Variants in APOL2 observed in about 807,000 individuals in gnomAD.
APOL2 encodes the protein apolipoprotein L2, also known as apolipoprotein L, 2.
A neutral mutation model predicts 7.1 loss-of-function variants in APOL2; 8 were observed. That is an observed-to-expected ratio of 1.12 (90% confidence interval 0.66 to 2.03). APOL2 has a LOEUF of 2.03. Among genes scored for constraint, APOL2 ranks in the 30% most tolerant of loss-of-function variants. The pLI, the probability that APOL2 is intolerant of heterozygous loss-of-function variation, is 0.00. For missense variants in APOL2, 471 were observed against 415.1 expected, an observed-to-expected ratio of 1.13 and a Z score of -1.17; for synonymous variants, 177 against 159.9, an observed-to-expected ratio of 1.11 and a Z score of -0.81.
At position 36,234,469 on chromosome 22, in the gene APOL2, A is replaced by C. The variant is rs144601097; in HGVS notation, c.-133-1014T>G. Reference sequence around the variant, plus strand: ...CCTGCCCTCTAAAGTGCTGGATTACAAACATGAGCCACGACACCCGGCCTG... The same window carrying C: ...CCTGCCCTCTAAAGTGCTGGATTACCAACATGAGCCACGACACCCGGCCTG... On this transcript the variant is annotated intron_variant, in intron 1 of 4. Transcript: ENST00000358502. 15 of 152,274 alleles carry C rather than the reference A, an allele frequency of 9.9e-5. 1 individual carries two copies. Among genetic ancestry groups the C allele is most frequent in the Admixed American group, 3.9e-4 (6 of 15,288 alleles). 9.4% of individuals were successfully genotyped at this position (152,274 alleles called of 1,614,324 possible). A position where few individuals can be genotyped will look rare whatever the true frequency, so the allele number is the denominator to read the frequency against.
At chr22:36,234,320 C>A (rs549782345) in intron 1 of APOL2, 1 of 152,210 alleles carries the variant, frequency 6.6e-6, no homozygotes, top group Non-Finnish European at 1.5e-5. Context: ...GTCTTACTGG[C>A]TCTCAGTAGT....
At position 36,228,002 on chromosome 22, in the gene APOL2, G is replaced by A; in HGVS notation, c.416C>T (p.Pro139Leu). The change falls in exon 5 of 5, where the codon CCC (proline) becomes CTC (leucine). Residue 139 changes from proline to leucine, a missense_variant. By Grantham distance (98) the Pro-to-Leu change is moderately conservative. Coordinates refer to ENST00000358502, the MANE Select transcript of APOL2 (RefSeq NM_030882.4). The part of the protein sequence containing the change: ...ILTLLGLGLA[P>L]FTEGISFVLL... ...CACAAAACTGATTCCTTCTGTGAAG[G>A]GTGCCAGACCCAGGCCGAGGAGGGT... 1.2e-6 allele frequency: 2 copies of A among 1,614,172 alleles called. No homozygotes were observed. The highest frequency in any genetic ancestry group is 1.7e-6 in the Non-Finnish European group (2 of 1,180,036).
intron 4 of APOL2, 60 bp from the exon 5 acceptor site, chr22:36,228,340 C>T (rs2015097774): frequency 6.5e-7 from 1 of 1,544,344 alleles, no homozygotes; most frequent in Non-Finnish European, 8.7e-7. Context: ...GAAATGAGCT[C>T]CATGCGATCT....
chr22:36,230,863 T>C (rs563296968), intron 4 of APOL2, among the ~76,000 whole-genome samples: 1 of 152,234 alleles, frequency 6.6e-6, no homozygotes, highest in South Asian at 2.1e-4. Context: ...ATTGTTTAGG[T>C]TAGGATTTTT....
chr22:36,234,994 G>A (rs1339027958), intron 1 of APOL2, among the ~76,000 whole-genome samples: 2 of 152,194 alleles, frequency 1.3e-5, no homozygotes, highest in Non-Finnish European at 2.9e-5. Flanking sequence ...GATCAGAGAT[G>A]CCAAGAGATG....
chr22:36,238,128 G>T (rs1204168191), intron 1 of APOL2, among the ~76,000 whole-genome samples: 1 of 152,086 alleles, frequency 6.6e-6, no homozygotes, highest in Non-Finnish European at 1.5e-5. Context: ...AACATTCAAT[G>T]GGGACACTGT....
At chr22:36,232,454 G>A (rs908113462) in intron 3 of APOL2, among the ~76,000 whole-genome samples, 3 of 152,250 alleles carry the variant, frequency 2.0e-5, no homozygotes, top group African/African-American at 4.8e-5. Flanking sequence ...AGGAGATAGA[G>A]GGGATGCAAA....
At chr22:36,228,563 C>CA (rs2015106413) in intron 4 of APOL2, among the ~76,000 whole-genome samples, 1 of 152,322 alleles carries the variant, frequency 6.6e-6, no homozygotes, top group African/African-American at 2.4e-5. Flanking sequence ...AAGGGCAGGT[C>CA]AACACCGTGA....
In APOL2 at chr22:36,236,881, CT is replaced by C. The variant is rs1273140138; in HGVS notation, c.-134+2559del. ...TATGCAGAGGGGCATCTGGACACTTCTTGCTGTAAGGGACGGGGTGACGGGA... is the reference window on the plus strand; with the variant it reads ...TATGCAGAGGGGCATCTGGACACTTCTGCTGTAAGGGACGGGGTGACGGGA... On this transcript the variant is annotated intron_variant, in intron 1 of 4. Transcript: ENST00000358502. 8 of 1,276,206 alleles carry C rather than the reference CT, an allele frequency of 6.3e-6. No individual in the cohort carries two copies. The East Asian group carries it at 1.9e-4, about 30-fold the overall frequency. The allele number at this position is 1,276,206 out of a possible 1,614,324, so 79.1% of individuals were successfully genotyped here.
intron 4 of APOL2, among the ~76,000 whole-genome samples, chr22:36,230,392 A>G (rs1007362147): frequency 2.6e-5 from 4 of 152,112 alleles, no homozygotes; most frequent in Non-Finnish European, 4.4e-5. Flanking sequence ...GAGTGTTGGG[A>G]TCATCCAGAC....
At chr22:36,239,191 C>A in intron 1 of APOL2, 1 of 1,270,028 alleles carries the variant, frequency 7.9e-7, no homozygotes, top group Non-Finnish European at 9.9e-7. Context: ...GAGCTGAGCC[C>A]GGGGAGCTTT....
chr22:36,235,756 G>GTGT (rs2015382381), intron 1 of APOL2, among the ~76,000 whole-genome samples: 9 of 113,064 alleles, frequency 8.0e-5, no homozygotes, highest in African/African-American at 1.9e-4. Context: ...TGGGTGGGTG[G>GTGT]GTGTGTGTGT....
rs528633842 is a variant in APOL2, at chr22:36,233,183, C to T, written c.-21G>A. On this transcript the variant is annotated 5_prime_UTR_variant, in exon 3 of 5. Transcript: ENST00000358502. Reference sequence around the variant, plus strand: ...TTCATGGTGCCAGCGGCTGGGTTACCGAGGGGCTTTCCTTGGAGCTCTCCA... The same window carrying T: ...TTCATGGTGCCAGCGGCTGGGTTACTGAGGGGCTTTCCTTGGAGCTCTCCA... The T allele has an allele frequency of 1.5e-5, 25 of 1,614,036 alleles. No homozygotes were observed. The highest frequency in any genetic ancestry group is 4.5e-5 in the East Asian group (2 of 44,886).
chr22:36,237,300 C>A (rs976306203), intron 1 of APOL2: 11 of 1,350,880 alleles, frequency 8.1e-6, no homozygotes, highest in East Asian at 2.8e-5. Flanking sequence ...GCCAAGCTCT[C>A]CAGATGCAGA....
At chr22:36,239,570 C>T (rs2015533336), upstream of APOL2, 1 of 1,507,806 alleles carries the variant, frequency 6.6e-7, no homozygotes, top group Non-Finnish European at 9.0e-7. Context: ...CCCTGGAATT[C>T]GAAAGGGAAA....
intron 1 of APOL2, among the ~76,000 whole-genome samples, chr22:36,236,273 T>C (rs946565198): frequency 6.6e-6 from 1 of 152,164 alleles, no homozygotes; most frequent in Non-Finnish European, 1.5e-5. Context: ...AGCACAAAGG[T>C]AGCAGTTGGG....
chr22:36,229,292 C>T (rs1209260205), intron 4 of APOL2, among the ~76,000 whole-genome samples: 2 of 152,208 alleles, frequency 1.3e-5, no homozygotes, highest in Non-Finnish European at 2.9e-5. Context: ...TCTCCCGCCC[C>T]CACCCTGGTG....
At chr22:36,230,174 C>T (rs1273336199) in intron 4 of APOL2, among the ~76,000 whole-genome samples, 4 of 152,210 alleles carry the variant, frequency 2.6e-5, no homozygotes, top group South Asian at 2.1e-4. Context: ...TTTTCCTCCT[C>T]GGTTGGGACT....
intron 1 of APOL2, chr22:36,237,159 A>G (rs1410957161): frequency 1.3e-6 from 2 of 1,517,446 alleles, no homozygotes. Flanking sequence ...CTGGGGGTTG[A>G]GGCTGGATAC....
Sources: gnomAD v4.1 joint callset for allele counts (sites outside exome capture counted in the v4.1 genomes callset) on GRCh38, gnomAD v4.1.1 for gene constraint, MANE v1.5 for transcripts, NCBI Gene and HGNC (gene_info 2026-07-23, HGNC 2026-07-21) for gene names.